FAM227B: variants seen among roughly 807,000 people sequenced by gnomAD.
The protein encoded by FAM227B is family with sequence similarity 227 member B, also known as protein FAM227B.
Under a neutral mutation model 73.8 loss-of-function variants are expected in FAM227B, and 88 were observed. That is an observed-to-expected ratio of 1.19 (90% CI 1.00 to 1.42). FAM227B has a LOEUF of 1.42. Among genes scored for constraint, FAM227B ranks in the 40% most tolerant of loss-of-function variants. The pLI is 0.00. For synonymous variants in FAM227B, 210 were observed against 190.5 expected, an observed-to-expected ratio of 1.10 and a Z score of -0.84; for missense variants, 632 against 590.9, an observed-to-expected ratio of 1.07 and a Z score of -0.72.
At chr15:49,496,583 G>A (rs568572872) in intron 11 of FAM227B, among the ~76,000 whole-genome samples, 6 of 152,172 alleles carry the variant, frequency 3.9e-5, no homozygotes, top group Admixed American at 2.6e-4. Context: ...GTCCTAAAAA[G>A]GGAGATATCA....
chr15:49,611,391 A>AGTTATGGAGATT, intron 2 of FAM227B, 123 bp from the exon 3 acceptor site: 1 of 534,338 alleles, frequency 1.9e-6, no homozygotes, highest in Non-Finnish European at 3.3e-6. Flanking sequence ...GTAAGATATC[A>AGTTATGGAGATT]TAAAATGCTC....
chr15:49,367,359 A>G lies in FAM227B; in HGVS notation c.1271+89T>C, dbSNP rs949753426. 26 of 1,173,722 alleles carry G rather than the reference A, an allele frequency of 2.2e-5. No individual in the cohort carries two copies. The African/African-American group carries it at 4.0e-4, about 18-fold the overall frequency. The allele number at this position is 1,173,722 out of a possible 1,614,324, so 72.7% of individuals were successfully genotyped here. A position where few individuals can be genotyped will look rare whatever the true frequency, so the allele number is the denominator to read the frequency against. Reference sequence around the variant, plus strand: ...GAAGCATTGATAAAACATGCATTCAATTTGTTTCTCAATTGAGACATTCAG... The same window carrying G: ...GAAGCATTGATAAAACATGCATTCAGTTTGTTTCTCAATTGAGACATTCAG... On this transcript the variant is annotated intron_variant, in intron 13 of 15. Coordinates refer to ENST00000299338, the MANE Select transcript of FAM227B (RefSeq NM_152647.3).
intron 10 of FAM227B, among the ~76,000 whole-genome samples, chr15:49,510,275 A>G (rs528641185): frequency 1.9e-4 from 29 of 152,300 alleles, no homozygotes; most frequent in African/African-American, 7.0e-4. Flanking sequence ...TATTGTAACT[A>G]TGTAAAATCT....
At chr15:49,481,114 G>A (rs2055903714) in intron 11 of FAM227B, among the ~76,000 whole-genome samples, 2 of 152,026 alleles carry the variant, frequency 1.3e-5, no homozygotes, top group Admixed American at 1.3e-4. Context: ...GAGACTTGAA[G>A]GAAAAGAAAA....
intron 11 of FAM227B, chr15:49,422,305 T>A (rs187906294): frequency 5.7e-6 from 1 of 175,994 alleles, no homozygotes; most frequent in African/African-American, 2.4e-5. Context: ...ACTTGAGCAC[T>A]ACTTCATGTA....
At chr15:49,525,105 C>A (rs1246636692) in intron 10 of FAM227B, among the ~76,000 whole-genome samples, 1 of 152,076 alleles carries the variant, frequency 6.6e-6, no homozygotes, top group African/African-American at 2.4e-5. Flanking sequence ...AATGTGAGGA[C>A]ATGAGATTTG....
chr15:49,547,039 G>T (rs1441210187), intron 9 of FAM227B, among the ~76,000 whole-genome samples: 3 of 152,126 alleles, frequency 2.0e-5, no homozygotes, highest in Non-Finnish European at 4.4e-5. Flanking sequence ...GAGAAAGGTC[G>T]GGTTACCCAC....
At chr15:49,569,868 T>C (rs1165644364) in intron 8 of FAM227B, among the ~76,000 whole-genome samples, 2 of 152,040 alleles carry the variant, frequency 1.3e-5, no homozygotes, top group Non-Finnish European at 2.9e-5. Context: ...AGTGAGATCA[T>C]GTGATGTTTG....
intron 3 of FAM227B, among the ~76,000 whole-genome samples, chr15:49,594,218 A>G (rs375264259): frequency 6.6e-6 from 1 of 151,996 alleles, no homozygotes; most frequent in Non-Finnish European, 1.5e-5. Flanking sequence ...GGCCATTTGT[A>G]TATCTTCTTT....
chr15:49,359,998 C>G (rs2043900430), intron 13 of FAM227B, among the ~76,000 whole-genome samples: 1 of 146,424 alleles, frequency 6.8e-6, no homozygotes, highest in South Asian at 2.2e-4. Flanking sequence ...AACAAAAAAC[C>G]AAACACCGCA....
chr15:49,348,477 A>G (rs772434087), intron 13 of FAM227B, among the ~76,000 whole-genome samples: 1 of 152,208 alleles, frequency 6.6e-6, no homozygotes, highest in Non-Finnish European at 1.5e-5. Flanking sequence ...AAAGGAGCCA[A>G]TTTCGTTTTT....
chr15:49,393,583 T>C (rs1023534727), intron 11 of FAM227B, among the ~76,000 whole-genome samples: 2 of 152,156 alleles, frequency 1.3e-5, no homozygotes, highest in African/African-American at 4.8e-5. Flanking sequence ...CTGCAAAATT[T>C]TGTTCTGTTG....
intron 8 of FAM227B, among the ~76,000 whole-genome samples, chr15:49,569,569 A>C (rs968274360): frequency 6.6e-6 from 1 of 152,002 alleles, no homozygotes; most frequent in Non-Finnish European, 1.5e-5. Flanking sequence ...AATGTATACA[A>C]TGTGAAATGA....
At chr15:49,368,186 A>G (rs2045504536) in intron 12 of FAM227B, among the ~76,000 whole-genome samples, 1 of 152,104 alleles carries the variant, frequency 6.6e-6, no homozygotes, top group East Asian at 1.9e-4. Context: ...TGGAAAAAAA[A>G]AAACCTGTTG....
At chr15:49,496,441 G>A (rs1048433143) in intron 11 of FAM227B, among the ~76,000 whole-genome samples, 1 of 152,190 alleles carries the variant, frequency 6.6e-6, no homozygotes, top group Admixed American at 6.5e-5. Flanking sequence ...AAATGGTATT[G>A]TACCACAATA....
chr15:49,480,667 G>A (rs1790677456), intron 11 of FAM227B, among the ~76,000 whole-genome samples: 1 of 151,938 alleles, frequency 6.6e-6, no homozygotes, highest in Non-Finnish European at 1.5e-5. Flanking sequence ...ATTTTTAGTA[G>A]AAACGGGGTT....
chr15:49,520,337 T>G (rs1567470092), intron 10 of FAM227B, among the ~76,000 whole-genome samples: 1 of 152,246 alleles, frequency 6.6e-6, no homozygotes, highest in East Asian at 1.9e-4. Context: ...TCCAAACTTT[T>G]CCACATGTTT....
intron 11 of FAM227B, among the ~76,000 whole-genome samples, chr15:49,392,368 A>C (rs1438659907): frequency 1.3e-5 from 2 of 152,162 alleles, no homozygotes; most frequent in African/African-American, 2.4e-5. Flanking sequence ...ACTACAGTGG[A>C]ATGTGCATGG....
At chr15:49,512,237 TG>T (rs2059056555) in intron 10 of FAM227B, among the ~76,000 whole-genome samples, 1 of 152,164 alleles carries the variant, frequency 6.6e-6, no homozygotes, top group South Asian at 2.1e-4. Flanking sequence ...TCTTGAAAGC[TG>T]GAAGTATTTG....
Sources: allele counts gnomAD v4.1 joint callset (sites outside exome capture counted in the v4.1 genomes callset), GRCh38; gene constraint gnomAD v4.1.1; transcripts MANE v1.5; gene names NCBI Gene and HGNC (gene_info 2026-07-23, HGNC 2026-07-21).